Variants in IL19 observed in about 807,000 individuals in gnomAD.
The protein encoded by IL19 is interleukin 19.
IL19 carries 15 observed loss-of-function variants against 19.5 expected under a neutral mutation model. That is an observed-to-expected ratio of 0.77 (90% CI 0.52 to 1.19). IL19 has a LOEUF of 1.19. Among genes scored for constraint, IL19 ranks in the 50% most tolerant of loss-of-function variants. The probability of loss-of-function intolerance (pLI) is 0.00; values close to 1 mark genes in which losing one functional copy is unlikely to be tolerated. For synonymous variants in IL19, 78 were observed against 78.3 expected, an observed-to-expected ratio of 1.00 and a Z score of 0.02; for missense variants, 199 against 213.1, an observed-to-expected ratio of 0.93 and a Z score of 0.41.
At chr1:206,821,757 G>A (rs993546852) in intron 2 of IL19, among the ~76,000 whole-genome samples, 6 of 152,202 alleles carry the variant, frequency 3.9e-5, no homozygotes, top group African/African-American at 1.4e-4. Flanking sequence ...GTGAGTTCAG[G>A]GACAGAGTGC....
At chr1:206,832,872 T>A (rs1466144548) in intron 2 of IL19, among the ~76,000 whole-genome samples, 2 of 152,180 alleles carry the variant, frequency 1.3e-5, no homozygotes, top group East Asian at 3.9e-4. Flanking sequence ...ATCAAGTCCC[T>A]GGGGTTTCTT....
chr1:206,820,961 C>A (rs1207917030), intron 2 of IL19, among the ~76,000 whole-genome samples: 2 of 152,194 alleles, frequency 1.3e-5, no homozygotes, highest in Non-Finnish European at 2.9e-5. Flanking sequence ...TACCTAGGAG[C>A]CTTCCCTGAT....
chr1:206,775,046 CTT>C (rs112339008), intron 1 of IL19, among the ~76,000 whole-genome samples: 3 of 145,280 alleles, frequency 2.1e-5, no homozygotes, highest in African/African-American at 2.5e-5. Flanking sequence ...GATCTGACTT[CTT>C]TTTTTTTTTT....
At chr1:206,837,116 T>C (rs1226967556) in intron 4 of IL19, 93 bp downstream of exon 4, 6 of 1,001,584 alleles carry the variant, frequency 6.0e-6, no homozygotes, top group African/African-American at 3.2e-5. Flanking sequence ...TCCCCTTCTC[T>C]TTCCTAATCT....
intron 1 of IL19, among the ~76,000 whole-genome samples, chr1:206,787,660 T>A (rs56317798): frequency 0.065 from 9,869 of 152,282 alleles, 369 homozygotes; most frequent in Middle Eastern, 0.075. Context: ...ACTCCTCAGT[T>A]CTTTCTCCTG....
intron 1 of IL19, chr1:206,772,376 T>C (rs777665568): frequency 6.2e-7 from 1 of 1,614,200 alleles, no homozygotes. Context: ...TGCCCTGGCC[T>C]GGGCTGGCCC....
intron 4 of IL19, among the ~76,000 whole-genome samples, chr1:206,839,450 C>T (rs955463980): frequency 6.6e-6 from 1 of 152,192 alleles, no homozygotes; most frequent in African/African-American, 2.4e-5. Flanking sequence ...ACTTCAGCCC[C>T]TGTAGTGTAG....
chr1:206,788,374 T>A (rs1030094128), intron 1 of IL19, among the ~76,000 whole-genome samples: 2 of 152,232 alleles, frequency 1.3e-5, no homozygotes, highest in African/African-American at 4.8e-5. Flanking sequence ...TCATATTGTT[T>A]CATTTTAAGT....
intron 1 of IL19, among the ~76,000 whole-genome samples, chr1:206,789,357 G>C (rs1239270949): frequency 6.6e-6 from 1 of 152,162 alleles, no homozygotes; most frequent in African/African-American, 2.4e-5. Flanking sequence ...CCCTTCTGAG[G>C]ATCCAGTGAC....
chr1:206,809,876 G>A (rs951025711), intron 2 of IL19, among the ~76,000 whole-genome samples: 1 of 152,228 alleles, frequency 6.6e-6, no homozygotes, highest in African/African-American at 2.4e-5. Context: ...GCATGTTGCA[G>A]CTCAGCAATC....
rs143830006 is a variant in IL19 at position 206,812,407 on chromosome 1, G to A, written c.-3+13401G>A. ...GTTTGGAAGATGAGACTACCATTTGGCCATTTGGGGATCCTCATGATGCCA... is the reference window on the plus strand; with the variant it reads ...GTTTGGAAGATGAGACTACCATTTGACCATTTGGGGATCCTCATGATGCCA... On this transcript the variant is annotated intron_variant, in intron 2 of 6. Coordinates refer to ENST00000659997, the MANE Select transcript of IL19 (RefSeq NM_153758.5). Among the ~76,000 whole-genome samples the A allele has an allele frequency of 1.6e-3, 242 of 152,250 alleles. 3 individuals carry two copies. The highest frequency in any genetic ancestry group is 5.7e-3 in the African/African-American group (235 of 41,558).
At chr1:206,777,662 C>G (rs1375421683) in intron 1 of IL19, among the ~76,000 whole-genome samples, 1 of 152,152 alleles carries the variant, frequency 6.6e-6, no homozygotes, top group Non-Finnish European at 1.5e-5. Flanking sequence ...GGCAGGTTGA[C>G]GATGCAGGCA....
At chr1:206,827,501 T>C (rs1351467508) in intron 2 of IL19, among the ~76,000 whole-genome samples, 1 of 152,014 alleles carries the variant, frequency 6.6e-6, no homozygotes, top group East Asian at 1.9e-4. Flanking sequence ...CCATCCTGGC[T>C]AACACAGTGA....
intron 1 of IL19, chr1:206,772,478 G>A (rs1306217122): frequency 6.3e-7 from 1 of 1,598,358 alleles, no homozygotes. Flanking sequence ...TTTTGCAAGA[G>A]CAAGCCCCTG....
Position 206,842,565 on chromosome 1 carries a change from G to C in IL19, c.477G>C (p.Glu159Asp), listed in dbSNP as rs1054097136. 1 of 1,576,866 alleles carries C rather than the reference G, an allele frequency of 6.3e-7. No homozygotes were observed. Among genetic ancestry groups the C allele is most frequent in the South Asian group, 1.2e-5 (1 of 85,876 alleles). ...CTGCTGCCATTAAATCCCTGGGAGA[G>C]CTCGACGTCTTTCTAGCCTGGATTA... is the stretch of plus-strand genomic sequence containing the variant. ...VHAAAIKSLGELDVFLAWINK... is the reference protein window; with the variant it reads ...VHAAAIKSLGDLDVFLAWINK... Residue 159 changes from glutamate to aspartate, a missense_variant, in exon 7 of 7, where the codon GAG becomes GAC. By Grantham distance (45) the Glu-to-Asp change is conservative (BLOSUM62 2). Transcript: ENST00000659997.
intron 1 of IL19, among the ~76,000 whole-genome samples, chr1:206,781,870 TATATATAC>T (rs1447224130): frequency 1.4e-5 from 2 of 138,290 alleles, no homozygotes; most frequent in African/African-American, 5.6e-5. Flanking sequence ...TGTATATAGT[TATATATAC>T]ATATATATGT....
At position 206,817,909 on chromosome 1, in the gene IL19, G is replaced by A. The variant is rs371324701; in HGVS notation, c.-2-18752G>A. 2.0e-4 allele frequency among the ~76,000 whole-genome samples: 30 copies of A among 152,158 alleles called. No individual in the cohort carries two copies. In the South Asian group the frequency reaches 5.2e-3, roughly 26 times the overall value. ...CTCCTGAGTAGCTAAGATTGCAGGC[G>A]TGTGCCACCACTACCAGCTAATAGT... On this transcript the variant is annotated intron_variant, in intron 2 of 6. Coordinates refer to ENST00000659997, the MANE Select transcript of IL19 (RefSeq NM_153758.5).
At chr1:206,773,076 C>G (rs931499204) in intron 1 of IL19, among the ~76,000 whole-genome samples, 5 of 152,160 alleles carry the variant, frequency 3.3e-5, no homozygotes, top group African/African-American at 1.2e-4. Flanking sequence ...GGCGGGGTCA[C>G]AGGATGTGTT....
Position 206,771,009 on chromosome 1 carries a change from C to T in IL19, c.-218C>T, listed in dbSNP as rs1674814817. 8.7e-6 allele frequency: 14 copies of T among 1,614,176 alleles called. No homozygotes were observed. The highest frequency in any genetic ancestry group is 1.0e-5 in the Non-Finnish European group (12 of 1,180,004). ...GGTTCTCAGCTTGGGGCATCACCTC[C>T]TCCAGGTAAAACTGGATCATCTCAG... On this transcript the variant is annotated 5_prime_UTR_variant, in exon 1 of 7. Transcript: ENST00000659997.
Sources: allele counts gnomAD v4.1 joint callset (sites outside exome capture counted in the v4.1 genomes callset), GRCh38; gene constraint gnomAD v4.1.1; transcripts MANE v1.5; gene names NCBI Gene and HGNC (gene_info 2026-07-23, HGNC 2026-07-21).